Variants in ZNF827 observed in about 807,000 individuals in gnomAD.
ZNF827 encodes the protein zinc finger protein 827.
A neutral mutation model predicts 102.4 loss-of-function variants in ZNF827; 13 were observed. The observed-to-expected ratio is 0.13, with a 90% CI of 0.08 to 0.20. The LOEUF (loss-of-function observed/expected upper bound fraction) is 0.20, where lower values mean the gene tolerates loss of function less well. Ranked by LOEUF, ZNF827 falls within the 10% of genes least tolerant of loss-of-function variation. ZNF827 has a pLI of 1.00. For missense variants in ZNF827, 1,103 were observed against 1,344.4 expected (o/e 0.82, Z 2.81); for synonymous variants, 523 against 536.2 (o/e 0.98, Z 0.34).
At chr4:145,802,211 A>G (rs1453729990) in intron 8 of ZNF827, among the ~76,000 whole-genome samples, 1 of 152,236 alleles carries the variant, frequency 6.6e-6, no homozygotes, top group Non-Finnish European at 1.5e-5. Flanking sequence ...TCATTACTTT[A>G]AGACTCTGAA....
rs768821692 is a variant in ZNF827, at chr4:145,902,918, C to G, written c.341G>C (p.Gly114Ala). ...GVSSLCDDDPGSNKPLSSNLR... is the reference protein window; with the variant it reads ...GVSSLCDDDPASNKPLSSNLR... ...ATTGCTGCTCAGGGGCTTGTTGGAGCCTGGGTCATCGTCACACAAAGAAGA... is the reference window on the plus strand; with the variant it reads ...ATTGCTGCTCAGGGGCTTGTTGGAGGCTGGGTCATCGTCACACAAAGAAGA... Residue 114 changes from glycine to alanine, a missense_variant, in exon 2 of 15, where the codon GGC becomes GCC. Transcript: ENST00000508784. The surrounding 1 kb of genome is among the most constrained non-coding windows in gnomAD (Gnocchi z 4.3). 2 of 1,614,152 alleles carry G rather than the reference C, an allele frequency of 1.2e-6. No individual in the cohort carries two copies. Among genetic ancestry groups the G allele is most frequent in the Non-Finnish European group, 1.7e-6 (2 of 1,180,024 alleles).
chr4:145,867,957 T>C (rs1384741453), intron 5 of ZNF827, among the ~76,000 whole-genome samples: 1 of 152,208 alleles, frequency 6.6e-6, no homozygotes, highest in Non-Finnish European at 1.5e-5. Flanking sequence ...TTTTAGGGCA[T>C]GAACTATGAA....
At chr4:145,836,391 T>A (rs554110332) in intron 7 of ZNF827, among the ~76,000 whole-genome samples, 1 of 152,202 alleles carries the variant, frequency 6.6e-6, no homozygotes, top group Non-Finnish European at 1.5e-5. Flanking sequence ...CGTGTCTGCG[T>A]GCAGTGGCTG....
chr4:145,829,128 GT>G (rs1455446075), intron 7 of ZNF827, among the ~76,000 whole-genome samples: 1 of 151,598 alleles, frequency 6.6e-6, no homozygotes, highest in Non-Finnish European at 1.5e-5. Context: ...TGACACAACA[GT>G]TTTAAAGGAG....
chr4:145,776,511 T>C (rs1339801491), intron 9 of ZNF827, among the ~76,000 whole-genome samples: 9 of 150,828 alleles, frequency 6.0e-5, no homozygotes, highest in Admixed American at 5.3e-4. Context: ...ATAGATAACC[T>C]GCTTTTTTTT....
rs561085529 is a variant in ZNF827 at position 145,904,580 on chromosome 4, G to A, written c.44-1365C>T. Reference sequence around the variant, plus strand: ...TGTGAAGGCCCTGCTGTGGGAACATGCCTGGCACGCCCATGGAACAGCACT... The same window carrying A: ...TGTGAAGGCCCTGCTGTGGGAACATACCTGGCACGCCCATGGAACAGCACT... On this transcript the variant is annotated intron_variant, in intron 1 of 14. Coordinates refer to ENST00000508784, the MANE Select transcript of ZNF827 (RefSeq NM_001306215.2). Among the ~76,000 whole-genome samples the A allele has an allele frequency of 4.6e-5, 7 of 152,350 alleles. No homozygotes were observed. In the South Asian group the frequency reaches 1.5e-3, roughly 32 times the overall value.
At chr4:145,850,306 G>A (rs1042328441) in intron 5 of ZNF827, among the ~76,000 whole-genome samples, 11 of 152,062 alleles carry the variant, frequency 7.2e-5, no homozygotes, top group Non-Finnish European at 8.8e-5. Flanking sequence ...CACTGCGCCC[G>A]GCCTCTCCCT....
rs549742992 is a variant in ZNF827 at position 145,787,142 on chromosome 4, A to G, written c.2384-7631T>C. 8.5e-5 allele frequency among the ~76,000 whole-genome samples: 13 copies of G among 152,336 alleles called. No individual in the cohort carries two copies. In the South Asian group the frequency reaches 2.1e-3, roughly 24 times the overall value. ...TTCTGCTGGCCAAGGTGTTACCTCA[A>G]TGAACTGCTAAGATAGAAGAATTGA... On this transcript the variant is annotated intron_variant, in intron 8 of 14. Coordinates refer to ENST00000508784, the MANE Select transcript of ZNF827 (RefSeq NM_001306215.2).
intron 7 of ZNF827, among the ~76,000 whole-genome samples, chr4:145,844,913 G>GT (rs1281333288): frequency 6.6e-6 from 1 of 152,004 alleles, no homozygotes; most frequent in African/African-American, 2.4e-5. Context: ...AAAATATCTT[G>GT]TACCTTTTGT....
intron 7 of ZNF827, among the ~76,000 whole-genome samples, chr4:145,837,861 A>G (rs932443549): frequency 4.6e-5 from 7 of 151,890 alleles, no homozygotes; most frequent in African/African-American, 1.7e-4. Context: ...TCCCCACAAT[A>G]TCACCCCTTA....
At chr4:145,886,783 T>C (rs551545008) in intron 3 of ZNF827, among the ~76,000 whole-genome samples, 5 of 151,670 alleles carry the variant, frequency 3.3e-5, no homozygotes, top group Non-Finnish European at 7.4e-5. Flanking sequence ...TCACCAAGTA[T>C]TCTGAGCAAG....
chr4:145,794,050 G>A (rs1740122362), intron 8 of ZNF827, among the ~76,000 whole-genome samples: 2 of 152,174 alleles, frequency 1.3e-5, no homozygotes. Flanking sequence ...AGGCTTTGCA[G>A]AACTAATCGG....
At chr4:145,798,220 T>C (rs1264027856) in intron 8 of ZNF827, among the ~76,000 whole-genome samples, 2 of 152,234 alleles carry the variant, frequency 1.3e-5, no homozygotes, top group Non-Finnish European at 2.9e-5. Context: ...TTTCTGTCAC[T>C]TTACATGCAA....
chr4:145,937,731 C>CCTCCTG (rs976135899), intron 1 of ZNF827, among the ~76,000 whole-genome samples: 1 of 146,068 alleles, frequency 6.8e-6, no homozygotes, highest in African/African-American at 2.5e-5. Flanking sequence ...ACCTCCGCCT[C>CCTCCTG]CTCCTGCTCC....
Position 145,845,971 on chromosome 4 carries a change from ATGG to A in ZNF827, c.2261_2263del (p.Thr754del). Reference sequence around the variant, plus strand: ...AGTCGCCTACCTGGTCGTGGTCCGGATGGTGTTTTCTTTTGTATGATTGTGCTC... The same window carrying A: ...AGTCGCCTACCTGGTCGTGGTCCGGATGTTTTCTTTTGTATGATTGTGCTC... On this transcript the variant is annotated inframe_deletion, in exon 7 of 15. Transcript: ENST00000508784. The A allele has an allele frequency of 6.2e-7, 1 of 1,614,156 alleles. No individual in the cohort carries two copies.
intron 13 of ZNF827, 67 bp downstream of exon 13, chr4:145,764,921 G>T: frequency 6.2e-7 from 1 of 1,604,174 alleles, no homozygotes; most frequent in Non-Finnish European, 8.5e-7. Flanking sequence ...GGGAAGGGAC[G>T]GGGTAGGGAA....
chr4:145,878,751 G>GA (rs1561031928), intron 4 of ZNF827, among the ~76,000 whole-genome samples: 7 of 146,854 alleles, frequency 4.8e-5, no homozygotes, highest in East Asian at 2.1e-4. Flanking sequence ...GAGGAAGGGC[G>GA]GAAGGAAGGA....
At position 145,861,446 on chromosome 4, in the gene ZNF827, C is replaced by T. The variant is rs575063061; in HGVS notation, c.1981+8799G>A. The stretch of plus-strand genomic sequence containing the variant: ...TGACTGGTTACTCAAATATTTGCAA[C>T]CACACTGCAACTGGATCCCTCGGAA... On this transcript the variant is annotated intron_variant, in intron 5 of 14. Transcript: ENST00000508784. 1.5e-3 allele frequency among the ~76,000 whole-genome samples: 227 copies of T among 152,258 alleles called. 2 individuals are homozygous for T. The South Asian group carries it at 0.017, about 11-fold the overall frequency.
chr4:145,759,043 CAG>C lies in ZNF827; in HGVS notation c.*2571_*2572del, dbSNP rs1433100801. The C allele has an allele frequency of 1.3e-5, 2 of 152,138 alleles. No homozygotes were observed. Among genetic ancestry groups the C allele is most frequent in the Non-Finnish European group, 2.9e-5 (2 of 68,016 alleles). 9.4% of individuals were successfully genotyped at this position (152,138 alleles called of 1,614,324 possible). A position where few individuals can be genotyped will look rare whatever the true frequency, so the allele number is the denominator to read the frequency against. On this transcript the variant is annotated 3_prime_UTR_variant, in exon 15 of 15. Coordinates refer to ENST00000508784, the MANE Select transcript of ZNF827 (RefSeq NM_001306215.2). ...ATGCTTTTATTTTCCCCTGGTGAAA[CAG>C]ATTTTAAAAAACCCCAACTCTTAGG... is the stretch of plus-strand genomic sequence containing the variant.
Sources: gnomAD v4.1 joint callset for allele counts (sites outside exome capture counted in the v4.1 genomes callset) on GRCh38, gnomAD v4.1.1 for gene constraint, Gnocchi (gnomAD v3.1) non-coding constraint, MANE v1.5 for transcripts, NCBI Gene and HGNC (gene_info 2026-07-23, HGNC 2026-07-21) for gene names.